The following CEP135 variants were observed in gnomAD, a reference collection of about 807,000 sequenced individuals.
CEP135 encodes centrosomal protein of 135 kDa.
In CEP135, 142 loss-of-function variants were observed where a neutral mutation model predicts 157.3. The ratio of observed to expected loss-of-function variants is 0.90; its 90% confidence interval spans 0.79 to 1.04. The LOEUF is 1.04. Ranked by LOEUF, CEP135 falls within the 50% of genes least tolerant of loss-of-function variation. CEP135 has a pLI of 0.00. For missense variants in CEP135, 1,317 were observed against 1,309.2 expected (o/e 1.01, Z -0.09); for synonymous variants, 396 against 439.8 (o/e 0.90, Z 1.25).
intron 21 of CEP135, among the ~76,000 whole-genome samples, chr4:56,012,845 A>G (rs1015082879): frequency 2.6e-5 from 4 of 152,224 alleles, no homozygotes; most frequent in East Asian, 3.8e-4. Flanking sequence ...TAATGCTGCT[A>G]TGAACATGAG....
chr4:55,999,723 CA>C lies in CEP135; in HGVS notation c.2280+79del, dbSNP rs1169188585. On this transcript the variant is annotated intron_variant, in intron 17 of 25. Transcript: ENST00000257287. ...TGTTTTTGTTTTTGAGATGGGGTCT[CA>C]CTCTGTCACTCAGGCTGGAGTGCAG... 2.1e-6 allele frequency: 3 copies of C among 1,410,260 alleles called. No individual in the cohort carries two copies. In the African/African-American group the frequency reaches 4.3e-5, roughly 20 times the overall value. 87.4% of individuals were successfully genotyped at this position (1,410,260 alleles called of 1,614,324 possible). A position where few individuals can be genotyped will look rare whatever the true frequency, so the allele number is the denominator to read the frequency against.
chr4:55,971,217 A>G (rs998249744), intron 9 of CEP135, 53 bp from the exon 10 acceptor site: 2 of 1,393,790 alleles, frequency 1.4e-6, no homozygotes, highest in Non-Finnish European at 1.9e-6. Flanking sequence ...CTTAAGTGCG[A>G]TAATATTTTA....
At chr4:56,023,204 A>AGCTC (rs1407693268) in intron 24 of CEP135, among the ~76,000 whole-genome samples, 4 of 150,780 alleles carry the variant, frequency 2.7e-5, no homozygotes, top group Non-Finnish European at 5.9e-5. Flanking sequence ...TCTGGGCAAT[A>AGCTC]GAGCAAGTCC....
intron 25 of CEP135, among the ~76,000 whole-genome samples, chr4:56,029,432 C>G (rs1303320074): frequency 6.6e-6 from 1 of 152,146 alleles, no homozygotes; most frequent in African/African-American, 2.4e-5. Flanking sequence ...CCTCTAGCCA[C>G]CAGTCATCTC....
chr4:55,988,229 C>CG (rs1729662567), intron 14 of CEP135, among the ~76,000 whole-genome samples: 1 of 106,086 alleles, frequency 9.4e-6, no homozygotes, highest in Non-Finnish European at 1.9e-5. Flanking sequence ...GTGTGGGGGG[C>CG]GGGGGGTGAG....
chr4:55,970,077 A>G (rs2702325), intron 9 of CEP135, among the ~76,000 whole-genome samples: 83,080 of 149,766 alleles, frequency 0.55, 23,517 homozygotes, highest in African/African-American at 0.67. Flanking sequence ...TTACTATGTT[A>G]CCCAGGATGG....
chr4:55,993,745 T>C (rs940026094), intron 15 of CEP135, among the ~76,000 whole-genome samples: 5 of 152,202 alleles, frequency 3.3e-5, no homozygotes, highest in African/African-American at 9.7e-5. Flanking sequence ...GGAGGCTGTT[T>C]CCAGTCTTAG....
At position 55,953,149 on chromosome 4, in the gene CEP135, GAA is replaced by G. The variant is rs758757072; in HGVS notation, c.180_181del (p.Ser61CysfsTer4). 5 of 1,607,640 alleles carry G rather than the reference GAA, an allele frequency of 3.1e-6. No homozygotes were observed. The African/African-American group carries it at 5.4e-5, about 17-fold the overall frequency. ...ATTATCTGCTGTGAAAGCTGAAAAA[GAA>G]AGTGCCAATTTTGATTTTGTTTTGG... ...SKLSAVKAEK[E>X]SANFDFVLEP... On this transcript the variant is annotated frameshift_variant, in exon 3 of 26. Transcript: ENST00000257287. LOFTEE classifies it high-confidence loss of function.
intron 17 of CEP135, among the ~76,000 whole-genome samples, chr4:56,002,345 T>G (rs754311100): frequency 1.1e-4 from 17 of 152,080 alleles, no homozygotes; most frequent in Non-Finnish European, 2.4e-4. Context: ...GGCTTTCAAG[T>G]TTTCCCCGTT....
intron 15 of CEP135, among the ~76,000 whole-genome samples, chr4:55,997,054 G>A (rs572300848): frequency 3.3e-5 from 5 of 152,198 alleles, no homozygotes; most frequent in South Asian, 2.1e-4. Context: ...CCTTTGCTAC[G>A]TTTATAGCAT....
chr4:55,967,449 G>A (rs1047428185), intron 8 of CEP135, among the ~76,000 whole-genome samples: 1 of 152,248 alleles, frequency 6.6e-6, no homozygotes, highest in Middle Eastern at 3.4e-3. Context: ...CACTATTGGG[G>A]TATGAATGAT....
intron 15 of CEP135, among the ~76,000 whole-genome samples, chr4:55,996,657 C>T (rs1167099054): frequency 6.6e-6 from 1 of 151,938 alleles, no homozygotes; most frequent in Non-Finnish European, 1.5e-5. Flanking sequence ...TAGGCTATAA[C>T]CATAGACTCC....
At chr4:55,958,468 A>G (rs1436812448) in intron 5 of CEP135, among the ~76,000 whole-genome samples, 1 of 152,176 alleles carries the variant, frequency 6.6e-6, no homozygotes, top group African/African-American at 2.4e-5. Flanking sequence ...CAGTTGTCAC[A>G]TAATATTTTT....
Position 55,965,699 on chromosome 4 carries a change from T to G in CEP135, c.884T>G (p.Met295Arg). 1 of 1,613,860 alleles carries G rather than the reference T, an allele frequency of 6.2e-7. No individual in the cohort carries two copies. Among genetic ancestry groups the G allele is most frequent in the Non-Finnish European group, 8.5e-7 (1 of 1,179,898 alleles). Reference protein sequence around the residue: ...KDLEKRIRELMETKETVTSEV... With the variant: ...KDLEKRIRELRETKETVTSEV... Reference sequence around the variant, plus strand: ...CTGGAGAAGCGTATACGAGAGCTTATGGAAACCAAGGAAACAGTGACATCT... The same window carrying G: ...CTGGAGAAGCGTATACGAGAGCTTAGGGAAACCAAGGAAACAGTGACATCT... Residue 295 changes from methionine to arginine, a missense_variant, in exon 8 of 26, where the codon ATG (methionine) becomes AGG (arginine). By Grantham distance (91) the Met-to-Arg change is moderately conservative. Coordinates refer to ENST00000257287, the MANE Select transcript of CEP135 (RefSeq NM_025009.5).
chr4:55,967,693 G>T (rs922044393), intron 8 of CEP135, among the ~76,000 whole-genome samples: 1 of 152,176 alleles, frequency 6.6e-6, no homozygotes, highest in Non-Finnish European at 1.5e-5. Flanking sequence ...GTATAATCCA[G>T]TTTGAAGACC....
chr4:56,015,522 A>G (rs2109739634), intron 21 of CEP135, among the ~76,000 whole-genome samples: 1 of 152,390 alleles, frequency 6.6e-6, no homozygotes, highest in Middle Eastern at 3.4e-3. Context: ...GCTGGCTCAG[A>G]GAACAGAGCA....
In CEP135 at chr4:55,954,267, T is replaced by A; in HGVS notation, c.356T>A (p.Phe119Tyr). The A allele has an allele frequency of 6.2e-7, 1 of 1,606,798 alleles. No individual in the cohort carries two copies. The highest frequency in any genetic ancestry group is 1.7e-4 in the Middle Eastern group (1 of 6,024). ...KCARETADLK[F>Y]LNNQYAHKLK... ...GCACGTGAAACAGCTGATCTGAAAT[T>A]TCTGAATAACCAATATGCTCATAAA... The change falls in exon 4 of 26, where the codon TTT (phenylalanine) becomes TAT (tyrosine). Residue 119 changes from phenylalanine (F) to tyrosine (Y), a missense_variant. By Grantham distance (22) the Phe-to-Tyr change is conservative. Transcript: ENST00000257287.
In CEP135 at chr4:56,011,449, AAG is replaced by A. The variant is rs750616133; in HGVS notation, c.2545_2546del (p.Glu849ArgfsTer8). 19 of 1,612,708 alleles carry A rather than the reference AAG, an allele frequency of 1.2e-5. No individual in the cohort carries two copies. Among genetic ancestry groups the A allele is most frequent in the Non-Finnish European group, 1.4e-5 (17 of 1,179,678 alleles). ...GAATTGGAAGCAGCAGTGCAAGAAAAAGAAGAAATGAAGAGCAGAGTTCATAA... is the reference window on the plus strand; with the variant it reads ...GAATTGGAAGCAGCAGTGCAAGAAAAAAGAAATGAAGAGCAGAGTTCATAA... On this transcript the variant is annotated frameshift_variant, in exon 20 of 26. Transcript: ENST00000257287. LOFTEE classifies it high-confidence loss of function.
intron 1 of CEP135, 70 bp from the exon 2 acceptor site, chr4:55,952,016 T>G (rs955796146): frequency 1.7e-5 from 9 of 525,164 alleles, no homozygotes; most frequent in Non-Finnish European, 3.1e-5. Context: ...TTAAAATAAT[T>G]TTTTCTTCTT....
Sources: allele counts gnomAD v4.1 joint callset (sites outside exome capture counted in the v4.1 genomes callset), GRCh38; gene constraint gnomAD v4.1.1; transcripts MANE v1.5; gene names NCBI Gene and HGNC (gene_info 2026-07-23, HGNC 2026-07-21).